The following ZUP1 variants were observed in gnomAD, a reference collection of about 807,000 sequenced individuals.
ZUP1 encodes zinc finger-containing ubiquitin peptidase 1.
In ZUP1, 55 loss-of-function variants were observed where a neutral mutation model predicts 68.1. That is an observed-to-expected ratio of 0.81 (90% CI 0.65 to 1.01). The LOEUF is 1.01. ZUP1 is among the 50% of genes least tolerant of loss of function. The pLI is 0.00. For missense variants in ZUP1, 684 were observed against 674.9 expected (o/e 1.01, Z -0.15); for synonymous variants, 223 against 221.5 (o/e 1.01, Z -0.06).
intron 4 of ZUP1, among the ~76,000 whole-genome samples, chr6:116,657,706 T>C (rs1045192142): frequency 1.3e-5 from 2 of 152,226 alleles, no homozygotes; most frequent in African/African-American, 4.8e-5. Context: ...TATACAAACC[T>C]GTTTAACTGA....
At chr6:116,643,790 T>C (rs1483057251) in intron 9 of ZUP1, among the ~76,000 whole-genome samples, 1 of 152,222 alleles carries the variant, frequency 6.6e-6, no homozygotes, top group African/African-American at 2.4e-5. Flanking sequence ...AAGGACTTCA[T>C]GTCTAAAACA....
chr6:116,660,920 G>C, intron 2 of ZUP1, 74 bp from the exon 3 acceptor site: 1 of 796,678 alleles, frequency 1.3e-6, no homozygotes. Flanking sequence ...TTTTTTTTGA[G>C]ACAGGGTCTC....
intron 9 of ZUP1, 113 bp downstream of exon 9, chr6:116,645,601 A>C: frequency 1.3e-6 from 1 of 794,912 alleles, no homozygotes; most frequent in Non-Finnish European, 1.9e-6. Context: ...AAAAAAAAAA[A>C]GAAAAAGAAT....
intron 7 of ZUP1, among the ~76,000 whole-genome samples, chr6:116,648,512 T>G (rs1349049567): frequency 1.3e-5 from 2 of 152,184 alleles, no homozygotes; most frequent in East Asian, 3.8e-4. Context: ...GTTAGCAGTT[T>G]GCATATTTAC....
intron 7 of ZUP1, among the ~76,000 whole-genome samples, chr6:116,648,070 T>C (rs1466055672): frequency 3.3e-5 from 5 of 152,234 alleles, no homozygotes; most frequent in African/African-American, 1.2e-4. Context: ...ATATATAAAA[T>C]AGATCCTAAA....
At chr6:116,643,631 C>G (rs935824196) in intron 9 of ZUP1, among the ~76,000 whole-genome samples, 1 of 152,082 alleles carries the variant, frequency 6.6e-6, no homozygotes, top group Non-Finnish European at 1.5e-5. Flanking sequence ...AACTGGCTGG[C>G]CATATGTAGA....
chr6:116,651,618 T>G lies in ZUP1; in HGVS notation c.1270A>C (p.Ile424Leu). ...AGTATATATACTTCACATGCTCCAATCCAGGCCTTTGTTCCCTGTAACCTG... is the reference window on the plus strand; with the variant it reads ...AGTATATATACTTCACATGCTCCAAGCCAGGCCTTTGTTCCCTGTAACCTG... ...NNRLQGTKAW[I>L]GACEVYILLT... is the part of the protein sequence containing the mutation. The change falls in exon 7 of 10, where the codon ATT (isoleucine) becomes CTT (leucine). Residue 424 changes from isoleucine (I) to leucine (L), a missense_variant. By Grantham distance (5) the Ile-to-Leu change is conservative (BLOSUM62 2). Transcript: ENST00000368576. The G allele has an allele frequency of 6.2e-7, 1 of 1,613,872 alleles. No individual in the cohort carries two copies. Among genetic ancestry groups the G allele is most frequent in the Non-Finnish European group, 8.5e-7 (1 of 1,179,806 alleles).
rs778040274 is a variant in ZUP1, at chr6:116,649,206, TAATC to T, written c.1317-1600_1317-1597del. 7.6e-4 allele frequency among the ~76,000 whole-genome samples: 115 copies of T among 152,118 alleles called. 1 individual carries two copies. The highest frequency in any genetic ancestry group is 2.1e-3 in the Admixed American group (32 of 15,278). On this transcript the variant is annotated intron_variant, in intron 7 of 9. Coordinates refer to ENST00000368576, the MANE Select transcript of ZUP1 (RefSeq NM_145062.3). The stretch of plus-strand genomic sequence containing the variant: ...AAAGAAATATTTTTATTTCTGAATC[TAATC>T]AATCAATGTGGTAAAAAGAATGTGA...
intron 5 of ZUP1, among the ~76,000 whole-genome samples, chr6:116,655,319 T>C (rs150497446): frequency 1.3e-5 from 2 of 152,298 alleles, no homozygotes; most frequent in East Asian, 1.9e-4. Flanking sequence ...AAACAATTTA[T>C]AGCATACATG....
intron 3 of ZUP1, among the ~76,000 whole-genome samples, chr6:116,659,906 T>G (rs929288965): frequency 4.6e-5 from 7 of 152,250 alleles, no homozygotes; most frequent in African/African-American, 1.7e-4. Context: ...CCTTCCATTC[T>G]TGGGGATATA....
At chr6:116,637,087 T>C (rs924713534) in intron 9 of ZUP1, among the ~76,000 whole-genome samples, 1 of 152,134 alleles carries the variant, frequency 6.6e-6, no homozygotes, top group Non-Finnish European at 1.5e-5. Flanking sequence ...AAATGTAATA[T>C]CTTTTCAAAA....
intron 9 of ZUP1, 103 bp from the exon 10 acceptor site, chr6:116,635,982 A>C: frequency 2.6e-6 from 2 of 771,894 alleles, no homozygotes; most frequent in Non-Finnish European, 3.8e-6. Flanking sequence ...TTTTTTTTCA[A>C]GATAATAATG....
intron 9 of ZUP1, among the ~76,000 whole-genome samples, chr6:116,637,150 T>C (rs1302873573): frequency 6.6e-6 from 1 of 152,204 alleles, no homozygotes; most frequent in African/African-American, 2.4e-5. Context: ...TATGAGGTTT[T>C]GTATCCTTAC....
chr6:116,665,899 TC>T (rs1776993913), intron 2 of ZUP1, among the ~76,000 whole-genome samples: 1 of 151,776 alleles, frequency 6.6e-6, no homozygotes, highest in Non-Finnish European at 1.5e-5. Flanking sequence ...CTCCACAAAT[TC>T]TTAAAGTTCA....
Position 116,647,610 on chromosome 6 carries a change from C to T in ZUP1, c.1317G>A (p.Lys439=), listed in dbSNP as rs112105628. ...VYILLTSLRV[K]CHIVDFHKST... ...ATTTGTGAAAATCAACAATATGACA[C>T]CTATTAAAAATTGACAAAATGCACA... Residue 439 remains lysine (K), a splice_region_variant and synonymous_variant, in exon 8 of 10, where the codon AAG becomes AAA. Coordinates refer to ENST00000368576, the MANE Select transcript of ZUP1 (RefSeq NM_145062.3). The T allele has an allele frequency of 3.1e-4, 474 of 1,518,078 alleles. 1 individual carries two copies. The African/African-American group carries it at 5.9e-3, about 19-fold the overall frequency. 94.0% of individuals were successfully genotyped at this position (1,518,078 alleles called of 1,614,324 possible). A position where few individuals can be genotyped will look rare whatever the true frequency, so the allele number is the denominator to read the frequency against.
chr6:116,643,629 G>A (rs889591343), intron 9 of ZUP1, among the ~76,000 whole-genome samples: 42 of 152,038 alleles, frequency 2.8e-4, no homozygotes, highest in African/African-American at 9.9e-4. Context: ...AAAACTGGCT[G>A]GCCATATGTA....
intron 9 of ZUP1, among the ~76,000 whole-genome samples, chr6:116,643,865 G>A (rs1776201674): frequency 6.6e-6 from 1 of 152,158 alleles, no homozygotes; most frequent in Admixed American, 6.5e-5. Flanking sequence ...CAGAGCTTCT[G>A]CACAGCAAGA....
intron 9 of ZUP1, among the ~76,000 whole-genome samples, chr6:116,642,747 A>G (rs936830630): frequency 4.5e-4 from 69 of 152,164 alleles, no homozygotes; most frequent in Non-Finnish European, 6.9e-4. Context: ...ATGGGCAAAA[A>G]CTGGAAGCAT....
chr6:116,645,964 G>A (rs757418999), intron 8 of ZUP1, 30 bp from the exon 9 acceptor site: 31 of 1,473,630 alleles, frequency 2.1e-5, no homozygotes, highest in East Asian at 4.5e-5. Flanking sequence ...TTATACATAC[G>A]TCACATCTAT....
Sources: allele counts gnomAD v4.1 joint callset (sites outside exome capture counted in the v4.1 genomes callset), GRCh38; gene constraint gnomAD v4.1.1; transcripts MANE v1.5; gene names NCBI Gene and HGNC (gene_info 2026-07-23, HGNC 2026-07-21).